RBFOX1: variants seen among roughly 807,000 people sequenced by gnomAD.
The protein encoded by RBFOX1 is RNA binding fox-1 homolog 1.
Under a neutral mutation model 57.7 loss-of-function variants are expected in RBFOX1, and 8 were observed. The observed-to-expected ratio is 0.14, with a 90% CI of 0.08 to 0.25. The LOEUF is 0.25. Among genes scored for constraint, RBFOX1 ranks in the 10% least tolerant of loss-of-function variants. RBFOX1 has a pLI of 1.00. For missense variants in RBFOX1, 611 were observed against 548.5 expected (o/e 1.11, Z -1.14); for synonymous variants, 326 against 222.4 (o/e 1.47, Z -4.15).
rs1047650923 is a variant in RBFOX1 at position 6,287,888 on chromosome 16, C to G, written c.-126-29107C>G. 2.0e-5 allele frequency among the ~76,000 whole-genome samples: 3 copies of G among 152,112 alleles called. No homozygotes were observed. In the East Asian group the frequency reaches 5.8e-4, roughly 29 times the overall value. ...GTAGAACTTCACATCTTCAGATAAG[C>G]TTTTCAGTCTAGCTTACCCATGCTT... On this transcript the variant is annotated intron_variant, in intron 1 of 15. Coordinates refer to ENST00000550418, the MANE Select transcript of RBFOX1 (RefSeq NM_018723.4).
intron 3 of RBFOX1, among the ~76,000 whole-genome samples, chr16:6,707,409 C>T (rs1464530809): frequency 6.6e-6 from 1 of 151,494 alleles, no homozygotes; most frequent in East Asian, 1.9e-4. Context: ...GTTAACAGCT[C>T]CTACAATTGT....
chr16:5,500,638 C>A (rs1016334887), intron 2 of RBFOX1, among the ~76,000 whole-genome samples: 1 of 152,168 alleles, frequency 6.6e-6, no homozygotes, highest in Non-Finnish European at 1.5e-5. Flanking sequence ...GTCACTCTAT[C>A]CAGACACACC....
chr16:6,350,848 T>A (rs922648347), intron 2 of RBFOX1, among the ~76,000 whole-genome samples: 1 of 152,182 alleles, frequency 6.6e-6, no homozygotes. Flanking sequence ...AGTGGATGCA[T>A]GGGGATTTGA....
chr16:7,595,808 T>G (rs1416156399), intron 8 of RBFOX1, among the ~76,000 whole-genome samples, 167 bp downstream of exon 8: 1 of 149,454 alleles, frequency 6.7e-6, no homozygotes, highest in African/African-American at 2.4e-5. Flanking sequence ...TGGCCTTACT[T>G]TTTTTTTTAA....
chr16:7,063,969 G>A (rs1018496069), intron 4 of RBFOX1, among the ~76,000 whole-genome samples: 18 of 152,218 alleles, frequency 1.2e-4, no homozygotes, highest in African/African-American at 4.3e-4. Context: ...CAAGGTCCAT[G>A]GATATGGAGG....
At chr16:7,024,711 C>T (rs930093858) in intron 3 of RBFOX1, among the ~76,000 whole-genome samples, 23 of 152,184 alleles carry the variant, frequency 1.5e-4, no homozygotes, top group African/African-American at 5.5e-4. Context: ...AATTCCTCAG[C>T]ACTCTGTCCT....
At chr16:6,823,282 A>C (rs2091627043) in intron 3 of RBFOX1, among the ~76,000 whole-genome samples, 1 of 150,490 alleles carries the variant, frequency 6.6e-6, no homozygotes, top group Admixed American at 6.6e-5. Flanking sequence ...CCCCAGAAAG[A>C]GTCTTGCTCT....
chr16:7,447,393 A>G (rs1288111016), intron 4 of RBFOX1, among the ~76,000 whole-genome samples: 1 of 145,802 alleles, frequency 6.9e-6, no homozygotes, highest in South Asian at 2.2e-4. Context: ...AGATCATGCC[A>G]CTGCACTCCA....
At chr16:6,096,596 G>C (rs2096247740) in intron 1 of RBFOX1, among the ~76,000 whole-genome samples, 1 of 152,094 alleles carries the variant, frequency 6.6e-6, no homozygotes, top group African/African-American at 2.4e-5. Context: ...CTTTGGTTTG[G>C]AAGTTTTGGG....
At chr16:6,064,809 C>T (rs1055685230) in intron 1 of RBFOX1, among the ~76,000 whole-genome samples, 1 of 152,014 alleles carries the variant, frequency 6.6e-6, no homozygotes, top group African/African-American at 2.4e-5. Flanking sequence ...GAATAATATG[C>T]CCCTGGATCT....
intron 4 of RBFOX1, among the ~76,000 whole-genome samples, chr16:7,162,418 A>T (rs2078515004): frequency 6.6e-6 from 1 of 152,086 alleles, no homozygotes; most frequent in African/African-American, 2.4e-5. Context: ...TCCATTGTGC[A>T]GGTTCTAAAA....
intron 4 of RBFOX1, among the ~76,000 whole-genome samples, chr16:7,189,898 A>T (rs944915516): frequency 2.0e-5 from 3 of 152,226 alleles, no homozygotes; most frequent in African/African-American, 7.2e-5. Context: ...TCCATAAGAA[A>T]AACAGATCAT....
intron 1 of RBFOX1, among the ~76,000 whole-genome samples, chr16:5,421,433 C>T (rs2067323181): frequency 6.6e-6 from 1 of 152,186 alleles, no homozygotes; most frequent in African/African-American, 2.4e-5. Flanking sequence ...GCAGCTTGGC[C>T]TTGGGGGTGT....
At chr16:6,625,430 G>A (rs1014796621) in intron 2 of RBFOX1, among the ~76,000 whole-genome samples, 6 of 152,100 alleles carry the variant, frequency 3.9e-5, no homozygotes, top group Non-Finnish European at 7.3e-5. Flanking sequence ...AGTAAAAATC[G>A]TCTTGTAGCT....
chr16:7,250,151 T>G (rs1437961763), intron 4 of RBFOX1, among the ~76,000 whole-genome samples: 1 of 152,234 alleles, frequency 6.6e-6, no homozygotes, highest in African/African-American at 2.4e-5. Flanking sequence ...TTTATTGATT[T>G]TCGAGAGAAG....
At chr16:7,355,470 C>G (rs17146171) in intron 4 of RBFOX1, among the ~76,000 whole-genome samples, 3,787 of 152,168 alleles carry the variant, frequency 0.025, 159 homozygotes, top group African/African-American at 0.086. Flanking sequence ...AGTCCGAAAC[C>G]CTCCCATACT....
chr16:5,288,264 A>G lies in RBFOX1; in HGVS notation c.219+48159A>G, dbSNP rs2063448313. On this transcript the variant is annotated intron_variant, in intron 1 of 2. Coordinates refer to the RBFOX1 transcript ENST00000585867. The stretch of plus-strand genomic sequence containing the variant: ...TATATATAGTCTTTTACATGCTGAT[A>G]ATTATTTGCATACCACAAAGAAGGC... 2.0e-5 allele frequency among the ~76,000 whole-genome samples: 3 copies of G among 152,194 alleles called. No homozygotes were observed. In the South Asian group the frequency reaches 6.2e-4, roughly 31 times the overall value.
At position 7,266,315 on chromosome 16, in the gene RBFOX1, C is replaced by A. The variant is rs1046015050; in HGVS notation, c.27+214217C>A. The stretch of plus-strand genomic sequence containing the variant: ...ATTTTAAAGTGTGTGGCACCTTCCC[C>A]CACGCTCTCGCCCTCTTGCTCCTGC... On this transcript the variant is annotated intron_variant, in intron 4 of 15. Transcript: ENST00000550418. Among the ~76,000 whole-genome samples, 5 of 152,000 alleles carry A rather than the reference C, an allele frequency of 3.3e-5. No individual in the cohort carries two copies. In the South Asian group the frequency reaches 1.0e-3, roughly 32 times the overall value.
At chr16:5,309,906 A>T (rs1009082746) in intron 1 of RBFOX1, among the ~76,000 whole-genome samples, 1 of 152,108 alleles carries the variant, frequency 6.6e-6, no homozygotes, top group African/African-American at 2.4e-5. Flanking sequence ...GTCATTTTCA[A>T]ATTTAAACTG....
Sources: allele counts gnomAD v4.1 joint callset (sites outside exome capture counted in the v4.1 genomes callset), GRCh38; gene constraint gnomAD v4.1.1; transcripts MANE v1.5; gene names NCBI Gene and HGNC (gene_info 2026-07-23, HGNC 2026-07-21).